SLC35D4: variants seen among roughly 807,000 people sequenced by gnomAD.
SLC35D4 encodes solute carrier family 35 member D4.
the SLC35D4 span, among the ~76,000 whole-genome samples, chr18:23,387,830 T>C: frequency 6.6e-6 from 1 of 152,234 alleles, no homozygotes; most frequent in Admixed American, 6.5e-5. Context: ...TTTTTTCATT[T>C]ATCTTTGTGT....
the SLC35D4 span, among the ~76,000 whole-genome samples, chr18:23,242,150 C>T: frequency 2.0e-5 from 3 of 152,048 alleles, no homozygotes; most frequent in Admixed American, 1.3e-4. Flanking sequence ...TAGTGGCAGG[C>T]GCCTGTAATC....
chr18:23,282,839 T>C, the SLC35D4 span, among the ~76,000 whole-genome samples: 5 of 152,112 alleles, frequency 3.3e-5, no homozygotes, highest in African/African-American at 9.7e-5. Context: ...AGGCCTCATC[T>C]GTGTGCTGGC....
chr18:23,409,300 T>C, the SLC35D4 span, among the ~76,000 whole-genome samples: 1 of 152,206 alleles, frequency 6.6e-6, no homozygotes, highest in African/African-American at 2.4e-5. Flanking sequence ...TGCGCACATA[T>C]GAACACTCAA....
At chr18:23,270,112 A>G in the SLC35D4 span, among the ~76,000 whole-genome samples, 1 of 152,190 alleles carries the variant, frequency 6.6e-6, no homozygotes, top group Non-Finnish European at 1.5e-5. Flanking sequence ...CTAGGAGGAA[A>G]AAATGGTTTC....
At chr18:23,375,032 T>C in the SLC35D4 span, among the ~76,000 whole-genome samples, 1 of 151,686 alleles carries the variant, frequency 6.6e-6, no homozygotes, top group African/African-American at 2.4e-5. Flanking sequence ...GGAGAATCAC[T>C]TGAACCCGGG....
At chr18:23,275,016 T>TGCTTGTGAGTGTGCGTATGC in the SLC35D4 span, among the ~76,000 whole-genome samples, 4 of 149,216 alleles carry the variant, frequency 2.7e-5, no homozygotes, top group African/African-American at 5.0e-5. Flanking sequence ...TGTATGTGTG[T>TGCTTGTGAGTGTGCGTATGC]GCTTGTGTGT....
the SLC35D4 span, among the ~76,000 whole-genome samples, chr18:23,278,675 C>G: frequency 9.9e-5 from 15 of 152,158 alleles, no homozygotes; most frequent in African/African-American, 3.4e-4. Flanking sequence ...CTAGCATGAT[C>G]TAAGTAGCCA....
At chr18:23,239,360 G>A in the SLC35D4 span, among the ~76,000 whole-genome samples, 1 of 152,204 alleles carries the variant, frequency 6.6e-6, no homozygotes, top group Non-Finnish European at 1.5e-5. Flanking sequence ...GTCGGCTCCT[G>A]GAGACCTATG....
At chr18:23,302,125 A>G in the SLC35D4 span, among the ~76,000 whole-genome samples, 1 of 152,246 alleles carries the variant, frequency 6.6e-6, no homozygotes, top group Admixed American at 6.5e-5. Context: ...AGCTGCTCAC[A>G]GCCTGGTGGG....
At chr18:23,385,082 A>G in the SLC35D4 span, 1 of 1,604,662 alleles carries the variant, frequency 6.2e-7, no homozygotes, top group Non-Finnish European at 8.5e-7. Context: ...AAGAAAACAG[A>G]ATAAAAAACA....
chr18:23,375,147 A>AATAC, the SLC35D4 span, among the ~76,000 whole-genome samples: 3,680 of 150,346 alleles, frequency 0.024, 55 homozygotes, highest in Middle Eastern at 0.06. Flanking sequence ...TAAATAAATA[A>AATAC]ATAATAATAA....
chr18:23,275,029 G>C, the SLC35D4 span, among the ~76,000 whole-genome samples: 1 of 149,708 alleles, frequency 6.7e-6, no homozygotes, highest in Non-Finnish European at 1.5e-5. Context: ...TTGTGTGTCT[G>C]CTTGTATTTT....
At chr18:23,321,150 C>T in the SLC35D4 span, among the ~76,000 whole-genome samples, 3 of 152,294 alleles carry the variant, frequency 2.0e-5, no homozygotes, top group South Asian at 6.2e-4. Context: ...CTTGCCCTTA[C>T]CATGAGGAAA....
chr18:23,316,210 G>A, the SLC35D4 span, among the ~76,000 whole-genome samples: 5 of 152,314 alleles, frequency 3.3e-5, no homozygotes, highest in East Asian at 3.9e-4. Context: ...AGGGACGGGC[G>A]GACTCCAGCT....
the SLC35D4 span, among the ~76,000 whole-genome samples, chr18:23,275,618 T>TGCTGTGCCGTGCTGTGCCGTGCTGTGCC: frequency 2.2e-5 from 3 of 136,000 alleles, no homozygotes; most frequent in African/African-American, 9.1e-5. Context: ...TGTGCTGTGC[T>TGCTGTGCCGTGCTGTGCCGTGCTGTGCC]GTGCTGTGCT....
the SLC35D4 span, among the ~76,000 whole-genome samples, chr18:23,262,364 G>A: frequency 3.9e-5 from 6 of 152,206 alleles, no homozygotes; most frequent in Admixed American, 2.6e-4. Context: ...CAGGTTCCCA[G>A]GGCTCACAGA....
the SLC35D4 span, among the ~76,000 whole-genome samples, chr18:23,319,961 G>A: frequency 6.6e-6 from 1 of 152,166 alleles, no homozygotes; most frequent in East Asian, 1.9e-4. Context: ...TTGATAGTTT[G>A]AGTAGGATAT....
At chr18:23,305,316 T>C in the SLC35D4 span, among the ~76,000 whole-genome samples, 552 of 152,310 alleles carry the variant, frequency 3.6e-3, 3 homozygotes, top group African/African-American at 0.013. Flanking sequence ...TAAGCCATTT[T>C]CCCTTATAAC....
chr18:23,311,486 A>C, the SLC35D4 span, among the ~76,000 whole-genome samples: 4 of 151,906 alleles, frequency 2.6e-5, no homozygotes, highest in Non-Finnish European at 5.9e-5. Context: ...CTCTCAATGC[A>C]ATTGTCTGGT....
Sources: allele counts gnomAD v4.1 joint callset (sites outside exome capture counted in the v4.1 genomes callset), GRCh38; gene constraint gnomAD v4.1.1; transcripts MANE v1.5; gene names NCBI Gene and HGNC (gene_info 2026-07-23, HGNC 2026-07-21).